NEK10: variants seen among roughly 807,000 people sequenced by gnomAD.
NEK10 encodes serine/threonine-protein kinase Nek10.
In NEK10, 122 loss-of-function variants were observed where a neutral mutation model predicts 159.8. The ratio of observed to expected loss-of-function variants is 0.76; its 90% confidence interval spans 0.66 to 0.89. The LOEUF is 0.89. Among genes scored for constraint, NEK10 ranks in the 40% least tolerant of loss-of-function variants. NEK10 has a pLI of 0.00. For missense variants in NEK10, 1,342 were observed against 1,323.1 expected (o/e 1.01, Z -0.22); for synonymous variants, 466 against 457.1 (o/e 1.02, Z -0.25).
At chr3:27,206,779 A>G (rs1184836714) in intron 23 of NEK10, 1 of 210,294 alleles carries the variant, frequency 4.8e-6, no homozygotes, top group Non-Finnish European at 8.2e-6. Flanking sequence ...ACTCATCCCA[A>G]GTCAACAATG....
In NEK10 at chr3:27,111,198, A is replaced by G. The variant is rs1939483366; in HGVS notation, c.*74T>C. The G allele has an allele frequency of 1.4e-6, 2 of 1,405,364 alleles. No homozygotes were observed. The highest frequency in any genetic ancestry group is 2.0e-6 in the Non-Finnish European group (2 of 996,586). 87.1% of individuals were successfully genotyped at this position (1,405,364 alleles called of 1,614,324 possible). A position where few individuals can be genotyped will look rare whatever the true frequency, so the allele number is the denominator to read the frequency against. On this transcript the variant is annotated 3_prime_UTR_variant, in exon 36 of 36. Transcript: ENST00000691995. ...CTCTAGCAGCACCCAATCCTTGGGC[A>G]TCTTGCAATAGCGGCTGAAGTCCAG...
intron 12 of NEK10, 57 bp from the exon 13 acceptor site, chr3:27,301,892 CT>C: frequency 1.1e-5 from 14 of 1,333,124 alleles, no homozygotes; most frequent in Non-Finnish European, 1.5e-5. Flanking sequence ...ACCGTCAGTC[CT>C]TTCTGTGTCA....
At chr3:27,301,140 C>T (rs912285353) in intron 13 of NEK10, among the ~76,000 whole-genome samples, 1 of 152,176 alleles carries the variant, frequency 6.6e-6, no homozygotes, top group Non-Finnish European at 1.5e-5. Context: ...GGCCAGGTGC[C>T]CCCAGGCAGG....
chr3:27,184,831 G>A (rs1160852394), intron 26 of NEK10, among the ~76,000 whole-genome samples: 1 of 152,212 alleles, frequency 6.6e-6, no homozygotes, highest in South Asian at 2.1e-4. Context: ...TTTCTACATG[G>A]CTTAATTTAA....
At chr3:27,124,036 G>A (rs931573293) in intron 32 of NEK10, among the ~76,000 whole-genome samples, 13 of 151,962 alleles carry the variant, frequency 8.6e-5, no homozygotes, top group African/African-American at 3.1e-4. Context: ...GTGTACAAGT[G>A]TGACATGATC....
intron 6 of NEK10, among the ~76,000 whole-genome samples, chr3:27,321,709 C>T (rs534047811): frequency 5.3e-5 from 8 of 152,200 alleles, no homozygotes; most frequent in Middle Eastern, 3.4e-3. Flanking sequence ...TTGCTCACCT[C>T]TAGCTCAAAT....
At chr3:27,240,646 T>C (rs1004738167) in intron 23 of NEK10, among the ~76,000 whole-genome samples, 1 of 137,188 alleles carries the variant, frequency 7.3e-6, no homozygotes, top group Non-Finnish European at 1.5e-5. Context: ...CTTTTATTAC[T>C]ATCTCATCTT....
intron 5 of NEK10, among the ~76,000 whole-genome samples, chr3:27,324,363 A>G (rs1254318204): frequency 1.3e-5 from 2 of 152,242 alleles, no homozygotes; most frequent in African/African-American, 4.8e-5. Context: ...GACTGAAACT[A>G]GAACCCATGG....
intron 32 of NEK10, among the ~76,000 whole-genome samples, chr3:27,129,465 A>G (rs950278134): frequency 3.9e-5 from 6 of 152,154 alleles, no homozygotes. Flanking sequence ...ATGGTTACAC[A>G]GGGAATGAAA....
At chr3:27,146,939 T>C (rs1304401256) in intron 30 of NEK10, among the ~76,000 whole-genome samples, 1 of 152,078 alleles carries the variant, frequency 6.6e-6, no homozygotes, top group Non-Finnish European at 1.5e-5. Context: ...ATAAAAAAAG[T>C]ACAGTATGTA....
At position 27,111,118 on chromosome 3, in the gene NEK10, G is replaced by C. The variant is rs1454070796; in HGVS notation, c.*154C>G. 1 of 603,246 alleles carries C rather than the reference G, an allele frequency of 1.7e-6. No homozygotes were observed. The highest frequency in any genetic ancestry group is 2.9e-6 in the Non-Finnish European group (1 of 345,558). The allele number at this position is 603,246 out of a possible 1,614,324, so 37.4% of individuals were successfully genotyped here. A position where few individuals can be genotyped will look rare whatever the true frequency, so the allele number is the denominator to read the frequency against. On this transcript the variant is annotated 3_prime_UTR_variant, in exon 36 of 36. Coordinates refer to ENST00000691995, the MANE Select transcript of NEK10 (RefSeq NM_001394966.1). ...CGCAGCTGTCATATACTCCAGCACA[G>C]GACCCCCAGAAAGAAGTCCTGCAGG...
At chr3:27,240,999 T>G (rs1417946510) in intron 23 of NEK10, among the ~76,000 whole-genome samples, 1 of 152,102 alleles carries the variant, frequency 6.6e-6, no homozygotes, top group Non-Finnish European at 1.5e-5. Flanking sequence ...AGCCTGGTAT[T>G]GCTATTTTGT....
chr3:27,198,674 G>A (rs1213149170), intron 25 of NEK10, among the ~76,000 whole-genome samples: 1 of 152,124 alleles, frequency 6.6e-6, no homozygotes, highest in Non-Finnish European at 1.5e-5. Context: ...AGACTTAAAT[G>A]TGAAACCCAA....
intron 7 of NEK10, 64 bp downstream of exon 7, chr3:27,314,233 A>C (rs1575705279): frequency 8.6e-7 from 1 of 1,166,640 alleles, no homozygotes; most frequent in Non-Finnish European, 1.3e-6. Flanking sequence ...ATACCCTTTT[A>C]ATTCTTGCTC....
In NEK10 at chr3:27,295,608, AT is replaced by A; in HGVS notation, c.1308+4del. ...ATACTGAAGGACAAGAGACATGTTT[AT>A]TACCTGTAATAGATTACTTTTTGCT... On this transcript the variant is annotated splice_donor_region_variant and intron_variant, in intron 15 of 35. Coordinates refer to ENST00000691995, the MANE Select transcript of NEK10 (RefSeq NM_001394966.1). 6.4e-7 allele frequency: 1 copy of A among 1,557,524 alleles called. No homozygotes were observed. The highest frequency in any genetic ancestry group is 1.2e-5 in the South Asian group (1 of 84,688).
chr3:27,201,041 G>T (rs1015734480), intron 25 of NEK10, among the ~76,000 whole-genome samples: 3 of 152,118 alleles, frequency 2.0e-5, no homozygotes, highest in African/African-American at 7.2e-5. Context: ...GTGATAGCTG[G>T]AGCTCCTGAT....
At chr3:27,280,551 C>T (rs549297803) in intron 22 of NEK10, among the ~76,000 whole-genome samples, 4 of 152,252 alleles carry the variant, frequency 2.6e-5, no homozygotes, top group East Asian at 1.9e-4. Flanking sequence ...CGTTTGTTGA[C>T]GCTGCTCAGA....
Position 27,310,975 on chromosome 3 carries a change from A to C in NEK10, c.610T>G (p.Trp204Gly). 6.2e-7 allele frequency: 1 copy of C among 1,612,374 alleles called. No individual in the cohort carries two copies. The highest frequency in any genetic ancestry group is 8.5e-7 in the Non-Finnish European group (1 of 1,178,532). Residue 204 changes from tryptophan to glycine, a missense_variant, in exon 9 of 36, where the codon TGG becomes GGG. Trp to Gly is a radical substitution (Grantham distance 184). Coordinates refer to ENST00000691995, the MANE Select transcript of NEK10 (RefSeq NM_001394966.1). ...KLAAVKDQRE[W>G]VTTSGAHKTL... ...TTGTGGGCTCCACTTGTGGTGACCC[A>C]TTCTCTTTGATCTTTGACTGCAGCA...
At chr3:27,346,276 T>A in intron 3 of NEK10, 60 bp from the exon 4 acceptor site, 1 of 1,559,012 alleles carries the variant, frequency 6.4e-7, no homozygotes. Context: ...ATAAAGAAAG[T>A]AACAAAATAT....
Sources: allele counts gnomAD v4.1 joint callset (sites outside exome capture counted in the v4.1 genomes callset), GRCh38; gene constraint gnomAD v4.1.1; transcripts MANE v1.5; gene names NCBI Gene and HGNC (gene_info 2026-07-23, HGNC 2026-07-21).